The following SOX6 variants were observed in gnomAD, a reference collection of about 807,000 sequenced individuals.
SOX6 encodes the protein SRY-box transcription factor 6, also known as transcription factor SOX-6.
A neutral mutation model predicts 97.8 loss-of-function variants in SOX6; 11 were observed. That is an observed-to-expected ratio of 0.11 (90% CI 0.07 to 0.19). The LOEUF is 0.19. Among genes scored for constraint, SOX6 ranks in the 10% least tolerant of loss-of-function variants. The pLI is 1.00. For synonymous variants in SOX6, 360 were observed against 371.4 expected, an observed-to-expected ratio of 0.97 and a Z score of 0.35; for missense variants, 810 against 1,039.5, an observed-to-expected ratio of 0.78 and a Z score of 3.04.
chr11:16,189,742 T>G lies in SOX6; in HGVS notation c.536-2787A>C, dbSNP rs139464480. Among the ~76,000 whole-genome samples the G allele has an allele frequency of 1.5e-3, 221 of 152,326 alleles. 1 individual carries two copies. Among genetic ancestry groups the G allele is most frequent in the African/African-American group, 5.0e-3 (206 of 41,580 alleles). On this transcript the variant is annotated intron_variant, in intron 4 of 15. Coordinates refer to ENST00000683767, the MANE Select transcript of SOX6 (RefSeq NM_001367873.1). ...GATGTATACGTATTTTATTATTATA[T>G]TTTGTGCAATATTCTAACATACGTG...
chr11:16,659,780 G>C (rs552192625), intron 3 of SOX6, among the ~76,000 whole-genome samples: 143 of 152,244 alleles, frequency 9.4e-4, no homozygotes, highest in African/African-American at 3.3e-3. Context: ...TATTTGGAAA[G>C]TTATTATTGA....
At chr11:16,304,971 GA>G (rs146056109) in intron 3 of SOX6, among the ~76,000 whole-genome samples, 81 of 145,736 alleles carry the variant, frequency 5.6e-4, no homozygotes, top group East Asian at 7.9e-4. Context: ...ACATCTTTCA[GA>G]AAAAAAAAAG....
At chr11:16,628,844 T>A (rs1848663681) in intron 3 of SOX6, among the ~76,000 whole-genome samples, 1 of 152,160 alleles carries the variant, frequency 6.6e-6, no homozygotes, top group Non-Finnish European at 1.5e-5. Context: ...CCTCCTTGGT[T>A]AGATATATTC....
intron 4 of SOX6, among the ~76,000 whole-genome samples, chr11:16,482,666 T>TA (rs1860363103): frequency 6.7e-6 from 1 of 148,930 alleles, no homozygotes; most frequent in Non-Finnish European, 1.5e-5. Context: ...TTCTTTCAAG[T>TA]AAAAAATGGT....
intron 4 of SOX6, among the ~76,000 whole-genome samples, chr11:16,514,989 C>T (rs1471389151): frequency 4.6e-5 from 7 of 151,786 alleles, no homozygotes; most frequent in African/African-American, 7.3e-5. Context: ...CTATTGTGAA[C>T]AGTGCCACAA....
intron 6 of SOX6, among the ~76,000 whole-genome samples, chr11:16,124,308 C>CATAT (rs923164107): frequency 6.6e-6 from 1 of 151,950 alleles, no homozygotes; most frequent in Admixed American, 6.6e-5. Flanking sequence ...TACAAAAATA[C>CATAT]ATATATATAT....
chr11:15,979,148 T>C (rs961742253), intron 15 of SOX6, among the ~76,000 whole-genome samples: 1 of 149,554 alleles, frequency 6.7e-6, no homozygotes, highest in Admixed American at 6.8e-5. Context: ...TTCTCCCACA[T>C]ACCTGCCCCT....
At chr11:16,435,373 GATATAA>G (rs1403200520) in intron 1 of SOX6, among the ~76,000 whole-genome samples, 2 of 152,066 alleles carry the variant, frequency 1.3e-5, no homozygotes, top group Non-Finnish European at 2.9e-5. Context: ...TTCACATAAT[GATATAA>G]ATATAAAACA....
At chr11:16,292,056 C>A (rs1015790867) in intron 3 of SOX6, among the ~76,000 whole-genome samples, 2 of 152,052 alleles carry the variant, frequency 1.3e-5, no homozygotes, top group African/African-American at 4.8e-5. Flanking sequence ...AGTGAGAAAT[C>A]TATACTACTT....
intron 10 of SOX6, among the ~76,000 whole-genome samples, chr11:16,055,509 G>A (rs533065967): frequency 2.0e-5 from 3 of 152,096 alleles, no homozygotes; most frequent in South Asian, 2.1e-4. Flanking sequence ...AGAATCCAAA[G>A]GGGGAAAACT....
intron 1 of SOX6, among the ~76,000 whole-genome samples, chr11:16,396,170 G>A (rs1858348126): frequency 6.6e-6 from 1 of 151,646 alleles, no homozygotes; most frequent in South Asian, 2.1e-4. Flanking sequence ...AATCCTTACA[G>A]CTTTCCAACA....
intron 6 of SOX6, among the ~76,000 whole-genome samples, chr11:16,137,476 G>C (rs1022233144): frequency 6.6e-6 from 1 of 152,138 alleles, no homozygotes; most frequent in Non-Finnish European, 1.5e-5. Context: ...TGGGTTGTAA[G>C]AGAGTAAGAC....
chr11:16,642,709 C>T (rs978652106), intron 3 of SOX6, among the ~76,000 whole-genome samples: 1 of 152,288 alleles, frequency 6.6e-6, no homozygotes, highest in South Asian at 2.1e-4. Context: ...ATTGAATTGG[C>T]TATTGAAGCA....
At chr11:16,355,532 T>C (rs1283981431) in intron 1 of SOX6, among the ~76,000 whole-genome samples, 1 of 152,094 alleles carries the variant, frequency 6.6e-6, no homozygotes, top group African/African-American at 2.4e-5. Context: ...TAGCAGCTTA[T>C]GAACATTAAT....
intron 3 of SOX6, among the ~76,000 whole-genome samples, chr11:16,250,385 T>C (rs1853473962): frequency 6.6e-6 from 1 of 152,074 alleles, no homozygotes; most frequent in African/African-American, 2.4e-5. Context: ...GCATTAGAAA[T>C]TATATCACAT....
At chr11:16,725,490 C>T (rs564895164) in intron 2 of SOX6, among the ~76,000 whole-genome samples, 2 of 151,590 alleles carry the variant, frequency 1.3e-5, no homozygotes, top group Non-Finnish European at 2.9e-5. Flanking sequence ...CAGAGTGAGA[C>T]CCTGTCTTAA....
chr11:16,443,148 T>C (rs1859538156), intron 1 of SOX6, among the ~76,000 whole-genome samples: 1 of 152,200 alleles, frequency 6.6e-6, no homozygotes, highest in Non-Finnish European at 1.5e-5. Flanking sequence ...AAAAGGTAGC[T>C]CAAGTGTTAA....
intron 3 of SOX6, among the ~76,000 whole-genome samples, chr11:16,641,522 T>C (rs1456401502): frequency 6.6e-6 from 1 of 152,120 alleles, no homozygotes; most frequent in African/African-American, 2.4e-5. Context: ...AGTCTCTCGT[T>C]ATTATTGTGT....
Position 15,968,780 on chromosome 11 carries a change from G to A in SOX6, c.*4029C>T, listed in dbSNP as rs991507048. 1.3e-5 allele frequency: 2 copies of A among 152,246 alleles called. No homozygotes were observed. The highest frequency in any genetic ancestry group is 4.8e-5 in the African/African-American group (2 of 41,446). 9.4% of individuals were successfully genotyped at this position (152,246 alleles called of 1,614,324 possible). A position where few individuals can be genotyped will look rare whatever the true frequency, so the allele number is the denominator to read the frequency against. Reference sequence around the variant, plus strand: ...CACCTGAATTTAGAACTTGGCCTGGGCTTTGGTGTCAGGACCCTGGCAAAT... The same window carrying A: ...CACCTGAATTTAGAACTTGGCCTGGACTTTGGTGTCAGGACCCTGGCAAAT... On this transcript the variant is annotated 3_prime_UTR_variant, in exon 16 of 16. Transcript: ENST00000683767.
Sources: allele counts gnomAD v4.1 joint callset (sites outside exome capture counted in the v4.1 genomes callset), GRCh38; gene constraint gnomAD v4.1.1; transcripts MANE v1.5; gene names NCBI Gene and HGNC (gene_info 2026-07-23, HGNC 2026-07-21).